Variants in SPG7 observed in about 807,000 individuals in gnomAD.
The protein encoded by SPG7 is mitochondrial inner membrane m-AAA protease component paraplegin.
A neutral mutation model predicts 81.9 loss-of-function variants in SPG7; 103 were observed. The observed-to-expected ratio is 1.26, with a 90% CI of 1.07 to 1.48. The LOEUF is 1.48. Ranked by LOEUF, SPG7 falls within the 40% of genes most tolerant of loss-of-function variation. SPG7 has a pLI of 0.00. For missense variants in SPG7, 1,241 were observed against 1,087.3 expected (o/e 1.14, Z -1.99); for synonymous variants, 534 against 444.2 (o/e 1.20, Z -2.54).
chr16:89,531,104 A>G (rs2058335942), intron 7 of SPG7: 1 of 507,950 alleles, frequency 2.0e-6, no homozygotes, highest in Non-Finnish European at 3.6e-6. Context: ...AGAACCACAT[A>G]AACACCTTAG....
At position 89,528,603 on chromosome 16, in the gene SPG7, CT is replaced by C. The variant is rs199905330; in HGVS notation, c.759-854del. ...ATGAGGGCAAAAGTCCTGGGATTTG[CT>C]TTTTTTTTTTTTTTTTTTTGGAGTC... On this transcript the variant is annotated intron_variant, in intron 5 of 16. Transcript: ENST00000645818. 6.1e-3 allele frequency: 693 copies of C among 113,558 alleles called. 39 individuals carry two copies. The highest frequency in any genetic ancestry group is 0.017 in the African/African-American group (507 of 30,164). 7.0% of individuals were successfully genotyped at this position (113,558 alleles called of 1,614,324 possible). A position where few individuals can be genotyped will look rare whatever the true frequency, so the allele number is the denominator to read the frequency against.
chr16:89,509,827 C>T (rs1450455162), intron 1 of SPG7, among the ~76,000 whole-genome samples: 7 of 136,150 alleles, frequency 5.1e-5, no homozygotes, highest in African/African-American at 1.4e-4. Flanking sequence ...CTCGCTGTGT[C>T]GCCCAGGCTG....
rs759427388 is a variant in SPG7 at position 89,557,023 on chromosome 16, TG to T, written c.2321del (p.Gly774AlafsTer49). On this transcript the variant is annotated frameshift_variant, in exon 17 of 17. Transcript: ENST00000645818. LOFTEE classifies it low-confidence loss of function (END_TRUNC). The part of the protein sequence containing the change: ...WIDAQREKQD[L>X]GEEETEETQQ... Reference sequence around the variant, plus strand: ...GACGCCCAGAGGGAGAAACAGGACTTGGGCGAGGAGGAGACCGAAGAGACCC... The same window carrying T: ...GACGCCCAGAGGGAGAAACAGGACTTGGCGAGGAGGAGACCGAAGAGACCC... 6.2e-7 allele frequency: 1 copy of T among 1,613,372 alleles called. No individual in the cohort carries two copies. The highest frequency in any genetic ancestry group is 8.5e-7 in the Non-Finnish European group (1 of 1,180,016).
chr16:89,549,927 G>C (rs2058613682), intron 12 of SPG7: 1 of 200,276 alleles, frequency 5.0e-6, no homozygotes, highest in African/African-American at 2.3e-5. Context: ...ACTCCTCAGA[G>C]GGTTGCACTT....
In SPG7 at chr16:89,513,002, A is replaced by G. The variant is rs1234564959; in HGVS notation, c.341A>G (p.Asp114Gly). The G allele has an allele frequency of 6.2e-7, 1 of 1,613,244 alleles. No individual in the cohort carries two copies. Among genetic ancestry groups the G allele is most frequent in the Admixed American group, 1.7e-5 (1 of 59,986 alleles). Residue 114 changes from aspartate (D) to glycine (G), a missense_variant, in exon 3 of 17, where the codon GAT becomes GGT. Asp to Gly is a moderately conservative substitution (Grantham distance 94). Coordinates refer to ENST00000645818, the MANE Select transcript of SPG7 (RefSeq NM_003119.4). Reference protein sequence around the residue: ...SRLKQKNKEKDKSKGKAPEED... With the variant: ...SRLKQKNKEKGKSKGKAPEED... ...TTGAAGCAGAAGAATAAGGAGAAGG[A>G]TAAGTCGAAGGGGAAGGCGCCTGAA...
At position 89,530,413 on chromosome 16, in the gene SPG7, G is replaced by C. The variant is rs1597630518; in HGVS notation, c.862-270G>C. The C allele has an allele frequency of 2.5e-5, 12 of 488,000 alleles. No individual in the cohort carries two copies. The East Asian group carries it at 4.5e-4, about 18-fold the overall frequency. 30.2% of individuals were successfully genotyped at this position (488,000 alleles called of 1,614,324 possible). A position where few individuals can be genotyped will look rare whatever the true frequency, so the allele number is the denominator to read the frequency against. On this transcript the variant is annotated intron_variant, in intron 6 of 16. Transcript: ENST00000645818. Reference sequence around the variant, plus strand: ...CCCATCTCGGCCTCCCAAAGTGCTAGGATTACAGGCGTGAGCCACCATGCC... The same window carrying C: ...CCCATCTCGGCCTCCCAAAGTGCTACGATTACAGGCGTGAGCCACCATGCC...
intron 4 of SPG7, among the ~76,000 whole-genome samples, chr16:89,525,604 G>A (rs559707169): frequency 7.2e-5 from 11 of 152,252 alleles, no homozygotes; most frequent in Admixed American, 3.9e-4. Flanking sequence ...TCCCTTTGGG[G>A]TGTTGCCGTC....
chr16:89,531,331 T>G (rs1211200459), intron 7 of SPG7: 1 of 219,616 alleles, frequency 4.6e-6, no homozygotes, highest in African/African-American at 2.3e-5. Context: ...GAGATCAGCC[T>G]GGGCAACAGT....
rs2058351225 is a variant in SPG7, at chr16:89,532,076, G to C, written c.1150+10G>C. 6.2e-7 allele frequency: 1 copy of C among 1,611,024 alleles called. No individual in the cohort carries two copies. The highest frequency in any genetic ancestry group is 1.7e-5 in the Admixed American group (1 of 59,992). On this transcript the variant is annotated intron_variant, in intron 8 of 16. Transcript: ENST00000645818. ...GTGGAGGTCATTGGAGGTAGGTGCT[G>C]TGGTTGGGGGCTGTGGGTGGGCTTG...
chr16:89,531,866 C>G, intron 7 of SPG7, 38 bp from the exon 8 acceptor site: 1 of 1,612,376 alleles, frequency 6.2e-7, no homozygotes. Flanking sequence ...AAACGGAATC[C>G]CCAAGTAGTT....
In SPG7 at chr16:89,524,174, G is replaced by A. The variant is rs775429752; in HGVS notation, c.545G>A (p.Arg182His). 15 of 1,614,052 alleles carry A rather than the reference G, an allele frequency of 9.3e-6. No homozygotes were observed. The highest frequency in any genetic ancestry group is 8.8e-5 in the South Asian group (8 of 91,082). ...HEMLAKGEVQRVQVVPESDVV... is the reference protein window; with the variant it reads ...HEMLAKGEVQHVQVVPESDVV... ...ATGCTGGCCAAGGGCGAGGTGCAGCGCGTCCAGGTGGTGCCTGAGAGCGAC... is the reference window on the plus strand; with the variant it reads ...ATGCTGGCCAAGGGCGAGGTGCAGCACGTCCAGGTGGTGCCTGAGAGCGAC... The change falls in exon 4 of 17, where the codon CGC becomes CAC. Residue 182 changes from arginine to histidine, a missense_variant. Transcript: ENST00000645818.
At chr16:89,542,492 T>C (rs537896052) in intron 9 of SPG7, among the ~76,000 whole-genome samples, 1 of 152,356 alleles carries the variant, frequency 6.6e-6, no homozygotes, top group East Asian at 1.9e-4. Context: ...TGATCTCCCT[T>C]GTAGAAATGT....
At chr16:89,554,099 C>T (rs1412271881) in intron 15 of SPG7, 139 bp downstream of exon 15, 4 of 784,750 alleles carry the variant, frequency 5.1e-6, no homozygotes, top group Non-Finnish European at 4.1e-6. Context: ...CTTCTGGGCT[C>T]TGCTGTAGTT....
chr16:89,554,432 G>A, intron 15 of SPG7, 54 bp from the exon 16 acceptor site: 3 of 1,244,942 alleles, frequency 2.4e-6, no homozygotes, highest in Non-Finnish European at 3.5e-6. Flanking sequence ...CTGTGCTTTG[G>A]TGCTGGAGCC....
chr16:89,509,353 C>T (rs917653512), intron 1 of SPG7, among the ~76,000 whole-genome samples: 1 of 152,136 alleles, frequency 6.6e-6, no homozygotes, highest in East Asian at 1.9e-4. Flanking sequence ...CGGGTTCAAG[C>T]GATTCTCCTG....
chr16:89,544,654 G>A lies in SPG7; in HGVS notation c.1331G>A (p.Gly444Asp), dbSNP rs1440490279. 4.3e-6 allele frequency: 7 copies of A among 1,613,926 alleles called. No homozygotes were observed. Among genetic ancestry groups the A allele is most frequent in the Non-Finnish European group, 5.9e-6 (7 of 1,179,966 alleles). Reference sequence around the variant, plus strand: ...GTCTGCTCTGTCCCCTCAGGAATGGGTACCACAGACCATGTCATCGTCCTG... The same window carrying A: ...GTCTGCTCTGTCCCCTCAGGAATGGATACCACAGACCATGTCATCGTCCTG... ...NQLLVEMDGM[G>D]TTDHVIVLAS... is the part of the protein sequence containing the mutation. Residue 444 changes from glycine (G) to aspartate (D), a missense_variant, in exon 10 of 17, where the codon GGT (glycine) becomes GAT (aspartate). Coordinates refer to ENST00000645818, the MANE Select transcript of SPG7 (RefSeq NM_003119.4).
At chr16:89,553,244 AATTT>A in intron 14 of SPG7, 109 bp downstream of exon 14, 1 of 1,114,092 alleles carries the variant, frequency 9.0e-7, no homozygotes, top group Non-Finnish European at 1.3e-6. Flanking sequence ...CGTAGCTTTG[AATTT>A]ATTAAGTATT....
At chr16:89,529,355 C>G in intron 5 of SPG7, 122 bp from the exon 6 acceptor site, 1 of 724,756 alleles carries the variant, frequency 1.4e-6, no homozygotes, top group Non-Finnish European at 2.5e-6. Flanking sequence ...GCGCATCGGT[C>G]CCAGACGTAG....
intron 4 of SPG7, among the ~76,000 whole-genome samples, chr16:89,525,297 T>C (rs568314027): frequency 8.5e-4 from 130 of 152,300 alleles, no homozygotes; most frequent in African/African-American, 3.1e-3. Flanking sequence ...ACAGGAAACC[T>C]TGTTCTTAAA....
Sources: gnomAD v4.1 joint callset for allele counts (sites outside exome capture counted in the v4.1 genomes callset) on GRCh38, gnomAD v4.1.1 for gene constraint, MANE v1.5 for transcripts, NCBI Gene and HGNC (gene_info 2026-07-23, HGNC 2026-07-21) for gene names.